Variants in UBA5 observed in about 807,000 individuals in gnomAD.
The protein encoded by UBA5 is ubiquitin-like modifier-activating enzyme 5.
A neutral mutation model predicts 52.9 loss-of-function variants in UBA5; 28 were observed. The ratio of observed to expected loss-of-function variants is 0.53; its 90% confidence interval spans 0.39 to 0.73. The LOEUF (loss-of-function observed/expected upper bound fraction) is 0.73, where lower values mean the gene tolerates loss of function less well. Ranked by LOEUF, UBA5 falls within the 30% of genes least tolerant of loss-of-function variation. The pLI, the probability that UBA5 is intolerant of heterozygous loss-of-function variation, is 0.00. For synonymous variants in UBA5, 135 were observed against 162.1 expected (o/e 0.83, Z 1.27); for missense variants, 388 against 492.7 (o/e 0.79, Z 2.01).
upstream of UBA5, among the ~76,000 whole-genome samples, chr3:132,657,291 T>C (rs1937859979): frequency 6.6e-6 from 1 of 152,216 alleles, no homozygotes; most frequent in African/African-American, 2.4e-5. Context: ...CTTCTATAAA[T>C]ATGTGGGTCT....
chr3:132,664,771 G>A (rs1938304645), intron 1 of UBA5, among the ~76,000 whole-genome samples: 2 of 152,106 alleles, frequency 1.3e-5, no homozygotes, highest in African/African-American at 2.4e-5. Flanking sequence ...TGAAGGAAGA[G>A]CCTAGGAAGG....
intron 1 of UBA5, among the ~76,000 whole-genome samples, chr3:132,654,908 G>T (rs762991189): frequency 6.6e-6 from 1 of 152,178 alleles, no homozygotes; most frequent in Non-Finnish European, 1.5e-5. Flanking sequence ...ATTTGAACCC[G>T]ATAGGACACA....
upstream of UBA5, chr3:132,659,479 G>A: frequency 7.3e-6 from 10 of 1,366,588 alleles, no homozygotes; most frequent in South Asian, 1.3e-4. Context: ...CCTGTAGGGT[G>A]CGTCCACTGA....
chr3:132,672,643 T>TA, intron 8 of UBA5, among the ~76,000 whole-genome samples: 1 of 152,318 alleles, frequency 6.6e-6, no homozygotes, highest in South Asian at 2.1e-4. Context: ...ATTGTTAATG[T>TA]AATTAAACAT....
intron 1 of UBA5, among the ~76,000 whole-genome samples, chr3:132,665,462 A>T (rs1415429434): frequency 5.3e-5 from 8 of 152,124 alleles, no homozygotes; most frequent in Non-Finnish European, 2.9e-5. Flanking sequence ...TACTCTGATG[A>T]TGGAGATCTG....
At chr3:132,670,117 T>C (rs1938540337) in intron 4 of UBA5, 81 bp from the exon 5 acceptor site, 2 of 709,444 alleles carry the variant, frequency 2.8e-6, no homozygotes, top group African/African-American at 1.9e-5. Flanking sequence ...CTTGAACTCC[T>C]GGACTCAAGT....
intron 1 of UBA5, among the ~76,000 whole-genome samples, chr3:132,663,077 A>G (rs894433729): frequency 6.6e-6 from 1 of 152,214 alleles, no homozygotes; most frequent in African/African-American, 2.4e-5. Context: ...ACTTGATTAT[A>G]GTAACAATTT....
intron 1 of UBA5, among the ~76,000 whole-genome samples, chr3:132,661,467 T>C (rs556873773): frequency 6.6e-6 from 1 of 152,322 alleles, no homozygotes; most frequent in Non-Finnish European, 1.5e-5. Context: ...ATGGCAAGCC[T>C]TATACAAGAT....
chr3:132,673,597 C>T (rs1559993579), intron 8 of UBA5, among the ~76,000 whole-genome samples: 3 of 152,060 alleles, frequency 2.0e-5, no homozygotes, highest in African/African-American at 2.4e-5. Flanking sequence ...ATCTGCCCAC[C>T]TCAGCCTCCC....
chr3:132,673,470 T>C (rs1488213510), intron 8 of UBA5, among the ~76,000 whole-genome samples: 2 of 151,472 alleles, frequency 1.3e-5, no homozygotes, highest in Non-Finnish European at 2.9e-5. Context: ...ACCTCAGCCT[T>C]CCAAGTAGTT....
chr3:132,671,088 A>G (rs1437493094), intron 6 of UBA5, 39 bp downstream of exon 6: 3 of 1,548,470 alleles, frequency 1.9e-6, no homozygotes, highest in Admixed American at 1.7e-5. Context: ...TCATGGATTT[A>G]TCTGTTTTCC....
rs146718847 is a variant in UBA5 at position 132,665,856 on chromosome 3, A to G, written c.195A>G (p.Val65=). Residue 65 remains valine, a synonymous_variant, in exon 2 of 12, where the codon GTA becomes GTG. Transcript: ENST00000356232. The stretch of plus-strand genomic sequence containing the variant: ...TGGCATTGAAACGAATGGGAATTGT[A>G]AGCGACTATGAGGTATGATAAACCC... ...RLMALKRMGI[V]SDYEKIRTFA... 251 of 1,613,430 alleles carry G rather than the reference A, an allele frequency of 1.6e-4. No homozygotes were observed. Among genetic ancestry groups the G allele is most frequent in the Non-Finnish European group, 2.1e-4 (245 of 1,179,524 alleles).
upstream of UBA5, chr3:132,659,814 G>A: frequency 6.6e-7 from 1 of 1,521,540 alleles, no homozygotes; most frequent in Non-Finnish European, 8.8e-7. Context: ...AGTCCTTCAG[G>A]ATTGGGGCAA....
chr3:132,673,759 G>T (rs1938708695), intron 8 of UBA5, among the ~76,000 whole-genome samples: 1 of 151,362 alleles, frequency 6.6e-6, no homozygotes, highest in Admixed American at 6.6e-5. Flanking sequence ...CAGTCTTCCA[G>T]GTTCAAGTGA....
chr3:132,671,949 GTAT>G, intron 7 of UBA5, 68 bp downstream of exon 7: 4 of 1,596,662 alleles, frequency 2.5e-6, no homozygotes, highest in Non-Finnish European at 3.4e-6. Context: ...CATTGAAAAT[GTAT>G]TACAATTCAA....
At position 132,678,399 on chromosome 3, in the gene UBA5, T is replaced by C. The variant is rs1559996723; in HGVS notation, c.*1873T>C. 6.6e-6 allele frequency among the ~76,000 whole-genome samples: 1 copy of C among 152,206 alleles called. No homozygotes were observed. The highest frequency in any genetic ancestry group is 1.5e-5 in the Non-Finnish European group (1 of 68,032). On this transcript the variant is annotated 3_prime_UTR_variant, in exon 12 of 12. Coordinates refer to ENST00000356232, the MANE Select transcript of UBA5 (RefSeq NM_024818.6). ...AACTCATAGCATTTGTCCAGATTTG[T>C]AAACACTATTGATTCTAATGTGAAA... is the stretch of plus-strand genomic sequence containing the variant.
chr3:132,661,006 T>G, intron 1 of UBA5: 1 of 1,427,234 alleles, frequency 7.0e-7, no homozygotes, highest in Non-Finnish European at 9.3e-7. Context: ...AGACTGATAG[T>G]AAGAACTTTC....
rs952885377 is a variant in UBA5, at chr3:132,678,805, A to G, written c.*2279A>G. Among the ~76,000 whole-genome samples, 3 of 151,812 alleles carry G rather than the reference A, an allele frequency of 2.0e-5. No individual in the cohort carries two copies. Among genetic ancestry groups the G allele is most frequent in the Non-Finnish European group, 4.4e-5 (3 of 67,962 alleles). On this transcript the variant is annotated 3_prime_UTR_variant, in exon 12 of 12. Transcript: ENST00000356232. ...GCTGGGATTACAGGTGCCCGCCACC[A>G]CGCATGGCTAATTTTTGTATTTTTA...
rs1401087071 is a variant in UBA5, at chr3:132,675,828, G to A, written c.1036G>A (p.Val346Ile). The change falls in exon 11 of 12, where the codon GTA becomes ATA. Residue 346 changes from valine (V) to isoleucine (I), a missense_variant. Around this residue, in one of 3 missense-constraint regions of UBA5, gnomAD observed 277 missense variants for 326.4 expected, o/e 0.85. Transcript: ENST00000356232. ...GATCAAATTTACAGGTATTGAGCTG[G>A]TATCTGAGGTTTCAGAAGAGGAACT... ...HEDNEWGIEL[V>I]SEVSEEELKN... The A allele has an allele frequency of 1.2e-6, 2 of 1,610,064 alleles. No homozygotes were observed. Among genetic ancestry groups the A allele is most frequent in the Non-Finnish European group, 1.7e-6 (2 of 1,178,478 alleles).
Sources: allele counts gnomAD v4.1 joint callset (sites outside exome capture counted in the v4.1 genomes callset), GRCh38; gene constraint gnomAD v4.1.1; regional missense constraint gnomAD v4.1.1; transcripts MANE v1.5; gene names NCBI Gene and HGNC (gene_info 2026-07-23, HGNC 2026-07-21).